The following MICU1 variants were observed in gnomAD, a reference collection of about 807,000 sequenced individuals.
The protein encoded by MICU1 is mitochondrial calcium uptake 1.
A neutral mutation model predicts 56.8 loss-of-function variants in MICU1; 45 were observed. The observed-to-expected ratio is 0.79, with a 90% confidence interval of 0.62 to 1.02. The LOEUF (loss-of-function observed/expected upper bound fraction) is 1.02. Ranked by LOEUF, MICU1 falls within the 50% of genes least tolerant of loss-of-function variation. The pLI, the probability that MICU1 is intolerant of heterozygous loss-of-function variation, is 0.00. For missense variants in MICU1, 504 were observed against 587.1 expected (o/e 0.86, Z 1.46); for synonymous variants, 186 against 195.1 (o/e 0.95, Z 0.39).
intron 6 of MICU1, among the ~76,000 whole-genome samples, chr10:72,506,385 C>G (rs1867252786): frequency 6.6e-6 from 1 of 152,212 alleles, no homozygotes; most frequent in African/African-American, 2.4e-5. Context: ...GCTACAACTA[C>G]TTACAAGTAT....
intron 1 of MICU1, among the ~76,000 whole-genome samples, chr10:72,576,225 C>CAAA (rs34829939): frequency 0.022 from 1,487 of 67,856 alleles, 10 homozygotes; most frequent in Middle Eastern, 0.05. Flanking sequence ...AAAAAAACAC[C>CAAA]AAAAAAAAAA....
intron 3 of MICU1, among the ~76,000 whole-genome samples, chr10:72,562,533 A>G (rs1370114173): frequency 1.3e-5 from 2 of 152,180 alleles, no homozygotes; most frequent in Non-Finnish European, 2.9e-5. Context: ...TTATGTTTCC[A>G]AAGAGATTTT....
intron 3 of MICU1, among the ~76,000 whole-genome samples, chr10:72,552,522 G>A (rs1840059413): frequency 6.6e-6 from 1 of 152,066 alleles, no homozygotes; most frequent in South Asian, 2.1e-4. Context: ...CCAATGTTAA[G>A]AAAAACTTTA....
chr10:72,539,868 A>C (rs1839726708), intron 4 of MICU1, among the ~76,000 whole-genome samples: 1 of 152,230 alleles, frequency 6.6e-6, no homozygotes, highest in Non-Finnish European at 1.5e-5. Flanking sequence ...CTTGGAGAGA[A>C]GATAAATTAT....
chr10:72,616,417 G>A (rs113679560), intron 1 of MICU1, among the ~76,000 whole-genome samples: 50 of 151,846 alleles, frequency 3.3e-4, no homozygotes, highest in Non-Finnish European at 5.6e-4. Context: ...CAGAAACTCC[G>A]TCTCTACTAA....
chr10:72,373,897 A>G (rs1161480781), intron 11 of MICU1, among the ~76,000 whole-genome samples: 1 of 152,198 alleles, frequency 6.6e-6, no homozygotes, highest in Non-Finnish European at 1.5e-5. Context: ...GATGTGGGAA[A>G]TGTTTTATAT....
At chr10:72,448,173 G>GTGTGTGTGTGTA (rs1393436881) in intron 8 of MICU1, among the ~76,000 whole-genome samples, 1 of 77,164 alleles carries the variant, frequency 1.3e-5, no homozygotes, top group African/African-American at 4.8e-5. Flanking sequence ...ATATGTGTGT[G>GTGTGTGTGTGTA]TATATATATA....
intron 3 of MICU1, among the ~76,000 whole-genome samples, chr10:72,552,641 C>T (rs915300956): frequency 3.3e-5 from 5 of 151,944 alleles, no homozygotes; most frequent in Admixed American, 6.6e-5. Context: ...CTGCAACCTT[C>T]GCCTCCGGGT....
chr10:72,561,947 A>G (rs376099350), intron 3 of MICU1, among the ~76,000 whole-genome samples: 2 of 152,316 alleles, frequency 1.3e-5, no homozygotes, highest in African/African-American at 2.4e-5. Flanking sequence ...TTGCATTATT[A>G]GCTATAGTTT....
At chr10:72,624,869 T>C (rs1842191537) in intron 1 of MICU1, among the ~76,000 whole-genome samples, 1 of 152,186 alleles carries the variant, frequency 6.6e-6, no homozygotes, top group Non-Finnish European at 1.5e-5. Flanking sequence ...TTCTAAAGTT[T>C]TTAGGATAAG....
intron 1 of MICU1, among the ~76,000 whole-genome samples, chr10:72,583,405 C>T (rs1829831854): frequency 6.6e-6 from 1 of 152,054 alleles, no homozygotes; most frequent in African/African-American, 2.4e-5. Flanking sequence ...CTCAGTCTCC[C>T]AAGTAGCTGG....
intron 10 of MICU1, among the ~76,000 whole-genome samples, chr10:72,391,258 CCTCT>C (rs1349861167): frequency 1.3e-5 from 2 of 152,160 alleles, no homozygotes; most frequent in African/African-American, 2.4e-5. Flanking sequence ...ATGGCGAAAT[CCTCT>C]CTCTACTAAA....
intron 3 of MICU1, among the ~76,000 whole-genome samples, chr10:72,554,826 C>G (rs1452176932): frequency 6.6e-6 from 1 of 152,114 alleles, no homozygotes; most frequent in Non-Finnish European, 1.5e-5. Context: ...ACCAGCCTGG[C>G]CAACATGGTG....
intron 10 of MICU1, among the ~76,000 whole-genome samples, chr10:72,396,857 CT>C (rs1310091985): frequency 1.3e-5 from 2 of 152,200 alleles, no homozygotes; most frequent in African/African-American, 4.8e-5. Flanking sequence ...CTGGAAAACA[CT>C]CTTCAGGATA....
intron 1 of MICU1, among the ~76,000 whole-genome samples, chr10:72,623,375 GAAAAAAAGAAAAGAAAAGA>G (rs1261706768): frequency 6.9e-6 from 1 of 144,802 alleles, no homozygotes; most frequent in Non-Finnish European, 1.5e-5. Flanking sequence ...GGAGAAGAAA[GAAAAAAAGAAAAGAAAAGA>G]AAGAAAAAGA....
intron 10 of MICU1, among the ~76,000 whole-genome samples, chr10:72,379,070 A>T (rs988540622): frequency 2.6e-5 from 4 of 152,214 alleles, no homozygotes; most frequent in African/African-American, 9.7e-5. Flanking sequence ...GAGTTTAGAA[A>T]TTTAGCCTCA....
At chr10:72,517,958 G>C (rs1370480671) in intron 5 of MICU1, among the ~76,000 whole-genome samples, 1 of 151,774 alleles carries the variant, frequency 6.6e-6, no homozygotes. Context: ...TATCAGACTG[G>C]TAGTAATGTT....
chr10:72,518,328 C>T (rs986248650), intron 5 of MICU1, among the ~76,000 whole-genome samples: 2 of 152,044 alleles, frequency 1.3e-5, no homozygotes, highest in South Asian at 2.1e-4. Flanking sequence ...GCCACTGCAC[C>T]TGGCCTGTTT....
intron 4 of MICU1, among the ~76,000 whole-genome samples, chr10:72,548,850 C>T (rs558002251): frequency 6.6e-6 from 1 of 152,116 alleles, no homozygotes; most frequent in Non-Finnish European, 1.5e-5. Context: ...GTGTGCACCA[C>T]CACACCCAGC....
Sources: allele counts gnomAD v4.1 joint callset (sites outside exome capture counted in the v4.1 genomes callset), GRCh38; gene constraint gnomAD v4.1.1; transcripts MANE v1.5; gene names NCBI Gene and HGNC (gene_info 2026-07-23, HGNC 2026-07-21).